TEX11: variants seen among roughly 807,000 people sequenced by gnomAD.
The protein encoded by TEX11 is testis-expressed protein 11.
Under a neutral mutation model 84.4 loss-of-function variants are expected in TEX11, and 7 were observed. That is an observed-to-expected ratio of 0.08 (90% CI 0.05 to 0.16). TEX11 has a LOEUF of 0.16. Ranked by LOEUF, TEX11 falls within the 10% of genes least tolerant of loss-of-function variation. TEX11 has a pLI of 1.00. For synonymous variants in TEX11, 264 were observed against 222.8 expected (o/e 1.18, Z -1.64); for missense variants, 551 against 660.5 (o/e 0.83, Z 1.82).
chrX:70,567,645 C>T (rs2088510115), intron 25 of TEX11, among the ~76,000 whole-genome samples: 1 of 110,944 alleles, frequency 9.0e-6, no homozygotes, highest in African/African-American at 3.3e-5. Context: ...TTTATTTCTG[C>T]CTTCGTTTTG....
intron 11 of TEX11, among the ~76,000 whole-genome samples, chrX:70,734,706 C>T (rs904587821): frequency 3.6e-5 from 4 of 112,064 alleles, no homozygotes; most frequent in African/African-American, 9.7e-5. Context: ...CAAATGCTAG[C>T]GCTTCACTAC....
chrX:70,705,727 A>T (rs771541793), intron 13 of TEX11, among the ~76,000 whole-genome samples: 1 of 112,284 alleles, frequency 8.9e-6, no homozygotes, highest in East Asian at 2.8e-4. Flanking sequence ...ATCACTGGCC[A>T]TCAGAGAAAT....
downstream of TEX11, among the ~76,000 whole-genome samples, chrX:70,528,483 AT>A (rs141611218): frequency 0.071 from 6,794 of 95,818 alleles, 209 homozygotes; most frequent in East Asian, 0.12. Flanking sequence ...ATGCCTGGCT[AT>A]TTTTTTTTTT....
At chrX:70,697,102 T>C (rs2090287078) in intron 13 of TEX11, among the ~76,000 whole-genome samples, 2 of 112,042 alleles carry the variant, frequency 1.8e-5, no homozygotes, top group Non-Finnish European at 3.8e-5. Flanking sequence ...AATGGTGTGC[T>C]AAATACTTCT....
At chrX:70,562,561 T>G (rs2088389526) in intron 25 of TEX11, among the ~76,000 whole-genome samples, 1 of 112,502 alleles carries the variant, frequency 8.9e-6, no homozygotes, top group African/African-American at 3.2e-5. Flanking sequence ...AATCGGCTTC[T>G]TTCTTCCTCA....
At chrX:70,689,887 C>T in intron 13 of TEX11, among the ~76,000 whole-genome samples, 1 of 111,567 alleles carries the variant, frequency 9.0e-6, no homozygotes. Flanking sequence ...ACTCAGCCAA[C>T]TAATCAAGGC....
chrX:70,555,740 T>C lies in TEX11; in HGVS notation c.2141-940A>G, dbSNP rs139196396. ...AGGATGAGTTTGTATAGAGTTGGTA[T>C]TACATCTTCTTTAAATGTTAGGTAG... On this transcript the variant is annotated intron_variant, in intron 25 of 29. Transcript: ENST00000374333. 5.3e-3 allele frequency among the ~76,000 whole-genome samples: 591 copies of C among 112,270 alleles called. 3 individuals carry two copies. Among genetic ancestry groups the C allele is most frequent in the African/African-American group, 0.018 (553 of 31,007 alleles).
chrX:70,716,395 C>G (rs775455654), intron 13 of TEX11, among the ~76,000 whole-genome samples: 2,196 of 107,806 alleles, frequency 0.02, 31 homozygotes, highest in Non-Finnish European at 0.034. Flanking sequence ...GAGGTGGAGT[C>G]TACAGAGGCA....
chrX:70,583,609 T>A (rs139174274), intron 25 of TEX11, among the ~76,000 whole-genome samples: 71 of 112,164 alleles, frequency 6.3e-4, no homozygotes, highest in African/African-American at 2.1e-3. Context: ...TAATTTCTTT[T>A]CCTTTGGGTA....
intron 17 of TEX11, among the ~76,000 whole-genome samples, chrX:70,632,604 A>G (rs1345582041): frequency 1.8e-5 from 2 of 111,266 alleles, no homozygotes; most frequent in African/African-American, 6.5e-5. Context: ...CAAAAACAAA[A>G]CTGATAGAGA....
At chrX:70,623,489 A>T (rs1427487599) in intron 20 of TEX11, among the ~76,000 whole-genome samples, 3 of 112,340 alleles carry the variant, frequency 2.7e-5, no homozygotes, top group Non-Finnish European at 5.6e-5. Context: ...GTGGGAAAGT[A>T]AGAGATATGT....
At chrX:70,714,775 G>A (rs1429347338) in intron 13 of TEX11, among the ~76,000 whole-genome samples, 1 of 111,585 alleles carries the variant, frequency 9.0e-6, no homozygotes. Flanking sequence ...TTTAATTGGA[G>A]CATTTAGTCC....
At chrX:70,594,622 T>C (rs975059492) in intron 24 of TEX11, among the ~76,000 whole-genome samples, 5 of 111,048 alleles carry the variant, frequency 4.5e-5, no homozygotes, top group Non-Finnish European at 9.4e-5. Context: ...AAAATGAGAC[T>C]GATATGGTTT....
chrX:70,529,712 G>C lies in TEX11; in HGVS notation c.2685+123C>G, dbSNP rs1278186081. ...TCTTGAAGTTATGTGGAACCATTGA[G>C]AGGAACAATGAGCAAGATCCTTTCC... On this transcript the variant is annotated intron_variant, in intron 29 of 29. Coordinates refer to ENST00000374333, the MANE Select transcript of TEX11 (RefSeq NM_031276.3). The C allele has an allele frequency of 7.2e-6, 5 of 696,654 alleles. No individual in the cohort carries two copies. The African/African-American group carries it at 1.1e-4, about 15-fold the overall frequency. The allele number at this position is 696,654 out of a possible 1,213,427, so 57.4% of individuals were successfully genotyped here.
intron 10 of TEX11, among the ~76,000 whole-genome samples, chrX:70,742,722 CA>C (rs1162532414): frequency 6.4e-5 from 7 of 109,177 alleles, no homozygotes; most frequent in Non-Finnish European, 1.1e-4. Flanking sequence ...GACCCTGTCT[CA>C]AAAAAAAATT....
At chrX:70,714,328 T>A (rs1292700150) in intron 13 of TEX11, among the ~76,000 whole-genome samples, 1 of 111,291 alleles carries the variant, frequency 9.0e-6, no homozygotes, top group Non-Finnish European at 1.9e-5. Context: ...CAGAGCTGAG[T>A]TCAGTTCCTG....
intron 17 of TEX11, among the ~76,000 whole-genome samples, chrX:70,634,744 T>G (rs1403357304): frequency 9.0e-6 from 1 of 111,533 alleles, no homozygotes; most frequent in Non-Finnish European, 1.9e-5. Flanking sequence ...ATCCATACCT[T>G]GAACCAAATA....
At chrX:70,641,182 T>C (rs778137190) in intron 17 of TEX11, among the ~76,000 whole-genome samples, 1 of 111,671 alleles carries the variant, frequency 9.0e-6, no homozygotes, top group African/African-American at 3.3e-5. Context: ...GGCCATTACA[T>C]AATGGTAAAG....
intron 2 of TEX11, among the ~76,000 whole-genome samples, chrX:70,897,203 T>C (rs373882701): frequency 3.2e-5 from 1 of 30,926 alleles, no homozygotes; most frequent in African/African-American, 6.2e-5. Flanking sequence ...TGTTATATAT[T>C]ATATATATAT....
Sources: allele counts gnomAD v4.1 joint callset (sites outside exome capture counted in the v4.1 genomes callset), GRCh38; gene constraint gnomAD v4.1.1; transcripts MANE v1.5; gene names NCBI Gene and HGNC (gene_info 2026-07-23, HGNC 2026-07-21).